Variants in JPH3 observed in about 807,000 individuals in gnomAD.
JPH3 encodes junctophilin 3.
A neutral mutation model predicts 59.6 loss-of-function variants in JPH3; 11 were observed. That is an observed-to-expected ratio of 0.18 (90% CI 0.12 to 0.31). The LOEUF (loss-of-function observed/expected upper bound fraction) is 0.31, where lower values mean the gene tolerates loss of function less well. Among genes scored for constraint, JPH3 ranks in the 10% least tolerant of loss-of-function variants. JPH3 has a pLI of 1.00. For synonymous variants in JPH3, 673 were observed against 483.6 expected (o/e 1.39, Z -5.14); for missense variants, 1,202 against 1,105.7 (o/e 1.09, Z -1.24).
At chr16:87,670,516 C>T (rs2032987780) in intron 2 of JPH3, among the ~76,000 whole-genome samples, 1 of 152,228 alleles carries the variant, frequency 6.6e-6, no homozygotes, top group African/African-American at 2.4e-5. Flanking sequence ...CGGCCTGTCC[C>T]TCTCCCCAGG....
At chr16:87,658,467 A>C (rs761439976) in intron 2 of JPH3, among the ~76,000 whole-genome samples, 3 of 141,058 alleles carry the variant, frequency 2.1e-5, no homozygotes, top group African/African-American at 5.4e-5. Context: ...TCTCTGTCCT[A>C]TTTTTCTCCA....
chr16:87,688,674 T>C (rs1036419311), intron 3 of JPH3, among the ~76,000 whole-genome samples: 2 of 152,138 alleles, frequency 1.3e-5, no homozygotes, highest in South Asian at 2.1e-4. Context: ...CACAGAGCTC[T>C]GCACCATTTT....
intron 1 of JPH3, among the ~76,000 whole-genome samples, chr16:87,641,602 A>C (rs1168053568): frequency 6.6e-6 from 1 of 152,208 alleles, no homozygotes; most frequent in Non-Finnish European, 1.5e-5. Context: ...AGTCACGTTC[A>C]CAGGATCCCC....
intron 1 of JPH3, among the ~76,000 whole-genome samples, chr16:87,610,495 A>G (rs897106491): frequency 6.6e-6 from 1 of 152,052 alleles, no homozygotes; most frequent in African/African-American, 2.4e-5. Flanking sequence ...TGGTCAATAA[A>G]TATTTGTGGA....
intron 1 of JPH3, among the ~76,000 whole-genome samples, chr16:87,631,201 T>G (rs1161019184): frequency 6.6e-6 from 1 of 152,204 alleles, no homozygotes; most frequent in Non-Finnish European, 1.5e-5. Context: ...CCCATTTTCC[T>G]GGGTATTTCC....
At chr16:87,655,972 G>A (rs930867628) in intron 2 of JPH3, among the ~76,000 whole-genome samples, 1 of 152,254 alleles carries the variant, frequency 6.6e-6, no homozygotes, top group Non-Finnish European at 1.5e-5. Context: ...TAGATGTCCT[G>A]AGTGGGACTG....
intron 2 of JPH3, among the ~76,000 whole-genome samples, chr16:87,648,964 GC>G (rs2032242534): frequency 6.6e-6 from 1 of 152,246 alleles, no homozygotes. Context: ...TGTGGGTGCT[GC>G]CGCCGGGAGG....
intron 2 of JPH3, 93 bp downstream of exon 2, chr16:87,645,128 G>A: frequency 7.5e-7 from 1 of 1,335,454 alleles, no homozygotes; most frequent in South Asian, 1.4e-5. Flanking sequence ...CAAGGCCTTG[G>A]GCTAGGCCCA....
In JPH3 at chr16:87,671,753, C is replaced by G. The variant is rs955835634; in HGVS notation, c.1161-12389C>G. Reference sequence around the variant, plus strand: ...CCCAAGATTCCTGGAGCTGGAGAACCCCCTTCCTCCCTGAGGCATGGAGAC... The same window carrying G: ...CCCAAGATTCCTGGAGCTGGAGAACGCCCTTCCTCCCTGAGGCATGGAGAC... On this transcript the variant is annotated intron_variant, in intron 2 of 4. Coordinates refer to ENST00000284262, the MANE Select transcript of JPH3 (RefSeq NM_020655.4). Among the ~76,000 whole-genome samples the G allele has an allele frequency of 7.2e-5, 11 of 152,180 alleles. 1 individual carries two copies. In the South Asian group the frequency reaches 8.3e-4, roughly 11 times the overall value.
chr16:87,632,632 C>T (rs2031600663), intron 1 of JPH3, among the ~76,000 whole-genome samples: 1 of 152,190 alleles, frequency 6.6e-6, no homozygotes, highest in South Asian at 2.1e-4. Flanking sequence ...GCGACTCACG[C>T]CTCTAATCCC....
At chr16:87,670,717 G>T (rs1196443233) in intron 2 of JPH3, among the ~76,000 whole-genome samples, 1 of 152,240 alleles carries the variant, frequency 6.6e-6, no homozygotes, top group Non-Finnish European at 1.5e-5. Flanking sequence ...AACCACGGAA[G>T]TACATTGATG....
chr16:87,696,971 C>A lies in JPH3; in HGVS notation c.*311C>A. 2.7e-6 allele frequency: 1 copy of A among 375,196 alleles called. No individual in the cohort carries two copies. Among genetic ancestry groups the A allele is most frequent in the South Asian group, 2.5e-5 (1 of 39,882 alleles). 23.2% of individuals were successfully genotyped at this position (375,196 alleles called of 1,614,324 possible). A position where few individuals can be genotyped will look rare whatever the true frequency, so the allele number is the denominator to read the frequency against. On this transcript the variant is annotated 3_prime_UTR_variant, in exon 5 of 5. Transcript: ENST00000284262. Reference sequence around the variant, plus strand: ...GATCCCGGCACATCAGTGGTAACAGCGGACGTTGTCCTCGTGGTCACACGT... The same window carrying A: ...GATCCCGGCACATCAGTGGTAACAGAGGACGTTGTCCTCGTGGTCACACGT...
chr16:87,678,779 G>C (rs1039847329), intron 2 of JPH3, among the ~76,000 whole-genome samples: 1 of 152,214 alleles, frequency 6.6e-6, no homozygotes, highest in East Asian at 1.9e-4. Flanking sequence ...GAAGAGGAGA[G>C]AGACACGTGC....
At chr16:87,620,665 G>A (rs950522184) in intron 1 of JPH3, among the ~76,000 whole-genome samples, 9 of 152,076 alleles carry the variant, frequency 5.9e-5, no homozygotes, top group South Asian at 2.1e-4. Flanking sequence ...CTCTTTTTGC[G>A]TCTTTCCTTG....
intron 1 of JPH3, among the ~76,000 whole-genome samples, chr16:87,635,779 A>G (rs1386620148): frequency 6.6e-6 from 1 of 151,596 alleles, no homozygotes; most frequent in Admixed American, 6.6e-5. Context: ...GGGTCCACCC[A>G]CGTCTTCCGA....
At chr16:87,695,089 C>T (rs1371824356) in intron 4 of JPH3, 2 of 347,832 alleles carry the variant, frequency 5.7e-6, no homozygotes, top group South Asian at 4.4e-5. Context: ...CTGCTGGGTC[C>T]CCGGTGTTCT....
chr16:87,658,731 A>T (rs1020944658), intron 2 of JPH3, among the ~76,000 whole-genome samples: 3 of 152,170 alleles, frequency 2.0e-5, no homozygotes, highest in African/African-American at 7.2e-5. Context: ...GGTGGTCAAG[A>T]AGAGCTGCCT....
intron 4 of JPH3, among the ~76,000 whole-genome samples, chr16:87,691,066 C>G (rs1479214670): frequency 6.7e-6 from 1 of 149,766 alleles, no homozygotes; most frequent in African/African-American, 2.5e-5. Context: ...GTGTGCAACT[C>G]ACCGTCAGCC....
intron 4 of JPH3, 145 bp from the exon 5 acceptor site, chr16:87,696,429 CCTTTGG>C (rs2033858097): frequency 3.0e-6 from 2 of 655,968 alleles, no homozygotes; most frequent in African/African-American, 1.8e-5. Flanking sequence ...TTCTGGTGGG[CCTTTGG>C]TGTCCAAGCG....
Sources: allele counts gnomAD v4.1 joint callset (sites outside exome capture counted in the v4.1 genomes callset), GRCh38; gene constraint gnomAD v4.1.1; transcripts MANE v1.5; gene names NCBI Gene and HGNC (gene_info 2026-07-23, HGNC 2026-07-21).